Variants in ALS2 observed in about 807,000 individuals in gnomAD.
ALS2 encodes alsin Rho guanine nucleotide exchange factor ALS2.
A neutral mutation model predicts 203.4 loss-of-function variants in ALS2; 117 were observed. The ratio of observed to expected loss-of-function variants is 0.58; its 90% CI spans 0.50 to 0.67. ALS2 has a LOEUF of 0.67. ALS2 is among the 30% of genes least tolerant of loss of function. The pLI, the probability that ALS2 is intolerant of heterozygous loss-of-function variation, is 0.00. For synonymous variants in ALS2, 718 were observed against 725.9 expected, an observed-to-expected ratio of 0.99 and a Z score of 0.17; for missense variants, 1,715 against 1,989.4, an observed-to-expected ratio of 0.86 and a Z score of 2.62.
intron 9 of ALS2, among the ~76,000 whole-genome samples, chr2:201,746,154 A>G (rs551972299): frequency 6.6e-6 from 1 of 152,286 alleles, no homozygotes; most frequent in African/African-American, 2.4e-5. Context: ...TGCAGTCAGG[A>G]AACTTCATAG....
intron 6 of ALS2, among the ~76,000 whole-genome samples, chr2:201,753,661 A>G (rs958326151): frequency 5.3e-5 from 8 of 152,200 alleles, no homozygotes; most frequent in African/African-American, 1.9e-4. Context: ...AAACTTCCCA[A>G]TATCTAATTT....
intron 33 of ALS2, among the ~76,000 whole-genome samples, chr2:201,702,625 G>A (rs1689461466): frequency 6.6e-6 from 1 of 152,074 alleles, no homozygotes; most frequent in African/African-American, 2.4e-5. Flanking sequence ...AGCACAAAAT[G>A]GTACCTTATT....
Position 201,724,457 on chromosome 2 carries a change from T to C in ALS2, c.3350A>G (p.Tyr1117Cys). Reference sequence around the variant, plus strand: ...GCCCTCAAATACTTCACCAGAAGCATAGCTGTGGTTGGAAAGAATGGATAA... The same window carrying C: ...GCCCTCAAATACTTCACCAGAAGCACAGCTGTGGTTGGAAAGAATGGATAA... ...GKMCGQGVYS[Y>C]ASGEVFEGCF... The change falls in exon 21 of 34, where the codon TAT (tyrosine) becomes TGT (cysteine). Residue 1117 changes from tyrosine to cysteine, a missense_variant and splice_region_variant. This residue lies in a region of ALS2 where 1,227 missense variants were observed against 1,413.5 expected (regional missense o/e 0.87). Transcript: ENST00000264276. 2 of 1,613,986 alleles carry C rather than the reference T, an allele frequency of 1.2e-6. No individual in the cohort carries two copies. Among genetic ancestry groups the C allele is most frequent in the East Asian group, 2.2e-5 (1 of 44,850 alleles).
intron 5 of ALS2, among the ~76,000 whole-genome samples, chr2:201,755,746 G>C (rs1693342626): frequency 6.6e-6 from 1 of 152,146 alleles, no homozygotes; most frequent in African/African-American, 2.4e-5. Context: ...ATTTTACAGA[G>C]ATGTTAAAAA....
At chr2:201,744,719 C>T (rs1424800396) in intron 9 of ALS2, among the ~76,000 whole-genome samples, 3 of 148,912 alleles carry the variant, frequency 2.0e-5, no homozygotes, top group Non-Finnish European at 4.5e-5. Flanking sequence ...CATAACTATA[C>T]ACACCTACTT....
intron 12 of ALS2, among the ~76,000 whole-genome samples, chr2:201,736,971 AATT>A (rs777276095): frequency 9.8e-5 from 15 of 152,322 alleles, no homozygotes; most frequent in Admixed American, 2.0e-4. Flanking sequence ...TTTACAGATG[AATT>A]CTACTAAATC....
chr2:201,764,272 T>C (rs2106095341), intron 3 of ALS2, among the ~76,000 whole-genome samples: 1 of 152,252 alleles, frequency 6.6e-6, no homozygotes, highest in Non-Finnish European at 1.5e-5. Flanking sequence ...AGAGCAATAC[T>C]GCAAAGAAAT....
intron 8 of ALS2, among the ~76,000 whole-genome samples, chr2:201,749,426 A>T (rs2106063480): frequency 6.6e-6 from 1 of 152,328 alleles, no homozygotes. Context: ...GAGTCCTAGA[A>T]ACATGTTTTA....
chr2:201,727,678 TG>T, intron 16 of ALS2, 26 bp downstream of exon 16: 1 of 903,034 alleles, frequency 1.1e-6, no homozygotes, highest in African/African-American at 2.3e-5. Context: ...TTGGACGGGG[TG>T]GGGTGGGGAG....
At chr2:201,726,945 G>A (rs958592319) in intron 17 of ALS2, 79 bp from the exon 18 acceptor site, 1 of 1,295,680 alleles carries the variant, frequency 7.7e-7, no homozygotes, top group Admixed American at 2.0e-5. Context: ...AGTTTTCTTT[G>A]GTGTGAATAA....
intron 4 of ALS2, chr2:201,759,322 T>C: frequency 1.2e-6 from 1 of 859,132 alleles, no homozygotes; most frequent in Non-Finnish European, 1.4e-6. Flanking sequence ...ATTTCCCAAG[T>C]GAGAGAGTCT....
At chr2:201,717,639 GA>G (rs59265308) in intron 24 of ALS2, among the ~76,000 whole-genome samples, 16,095 of 115,854 alleles carry the variant, frequency 0.14, 847 homozygotes, top group East Asian at 0.28. Context: ...TCTTGTTTAA[GA>G]AAAAAAAAAA....
chr2:201,721,771 C>T (rs576781446), intron 23 of ALS2, among the ~76,000 whole-genome samples: 1 of 152,270 alleles, frequency 6.6e-6, no homozygotes, highest in Admixed American at 6.5e-5. Flanking sequence ...TCACGCCATT[C>T]TCCTGCCTCA....
At chr2:201,711,570 G>GA (rs1297995390) in intron 25 of ALS2, among the ~76,000 whole-genome samples, 2 of 152,074 alleles carry the variant, frequency 1.3e-5, no homozygotes, top group African/African-American at 4.8e-5. Flanking sequence ...AAGGGCAAAG[G>GA]AAGAAATGAA....
At chr2:201,710,181 T>A in intron 26 of ALS2, 143 bp from the exon 27 acceptor site, 1 of 871,654 alleles carries the variant, frequency 1.1e-6, no homozygotes, top group Non-Finnish European at 1.7e-6. Context: ...TCAAATACTT[T>A]AATTTTTTTG....
chr2:201,738,526 T>C, intron 12 of ALS2, 144 bp downstream of exon 12: 1 of 780,638 alleles, frequency 1.3e-6, no homozygotes, highest in South Asian at 1.5e-5. Flanking sequence ...ACCTGTCCTT[T>C]ATAAGACTTA....
rs1350010722 is a variant in ALS2, at chr2:201,717,967, A to G, written c.3836+110T>C. On this transcript the variant is annotated intron_variant, in intron 24 of 33. Coordinates refer to ENST00000264276, the MANE Select transcript of ALS2 (RefSeq NM_020919.4). The stretch of plus-strand genomic sequence containing the variant: ...AAATAAAAATAAAATAAAATAAAAA[A>G]GAAGACTTTAAGAACTTGACTTTGC... 5.4e-6 allele frequency: 6 copies of G among 1,102,706 alleles called. No homozygotes were observed. In the Admixed American group the frequency reaches 1.6e-4, roughly 30 times the overall value. 68.3% of individuals were successfully genotyped at this position (1,102,706 alleles called of 1,614,324 possible).
chr2:201,729,001 C>G (rs768195541), intron 14 of ALS2, 51 bp downstream of exon 14: 3 of 1,613,144 alleles, frequency 1.9e-6, no homozygotes, highest in Non-Finnish European at 2.5e-6. Context: ...CAATTGTTAT[C>G]GAAATGGTTG....
In ALS2 at chr2:201,724,291, G is replaced by A. The variant is rs1171809371; in HGVS notation, c.3512+4C>T. 1 of 1,612,346 alleles carries A rather than the reference G, an allele frequency of 6.2e-7. No individual in the cohort carries two copies. Among genetic ancestry groups the A allele is most frequent in the South Asian group, 1.1e-5 (1 of 91,048 alleles). On this transcript the variant is annotated splice_donor_region_variant and intron_variant, in intron 21 of 33. Transcript: ENST00000264276. ...ACTGTGGGAATAGAAGGAGAATACT[G>A]TACCTAGTGATATCATCAAAGACAC...
Sources: allele counts gnomAD v4.1 joint callset (sites outside exome capture counted in the v4.1 genomes callset), GRCh38; gene constraint gnomAD v4.1.1; regional missense constraint gnomAD v4.1.1; transcripts MANE v1.5; gene names NCBI Gene and HGNC (gene_info 2026-07-23, HGNC 2026-07-21).